The following HIVEP3 variants were observed in gnomAD, a reference collection of about 807,000 sequenced individuals.
The protein encoded by HIVEP3 is HIVEP zinc finger 3.
HIVEP3 carries 49 observed loss-of-function variants against 152.8 expected under a neutral mutation model. The ratio of observed to expected loss-of-function variants is 0.32; its 90% confidence interval spans 0.26 to 0.41. The LOEUF is 0.41. Ranked by LOEUF, HIVEP3 falls within the 10% of genes least tolerant of loss-of-function variation. The pLI is 1.00. For synonymous variants in HIVEP3, 1,269 were observed against 1,289.0 expected (o/e 0.98, Z 0.33); for missense variants, 2,790 against 3,103.3 (o/e 0.90, Z 2.40).
intron 5 of HIVEP3, among the ~76,000 whole-genome samples, chr1:41,560,165 G>C (rs1644036733): frequency 6.6e-6 from 1 of 152,236 alleles, no homozygotes; most frequent in African/African-American, 2.4e-5. Context: ...TACATGCCAA[G>C]TACATTACAC....
chr1:41,848,473 A>T (rs1162678770), intron 1 of HIVEP3: 1 of 152,238 alleles, frequency 6.6e-6, no homozygotes, highest in Non-Finnish European at 1.5e-5. Context: ...GCTTATCACC[A>T]TTGGACTCTA....
At position 41,584,787 on chromosome 1, in the gene HIVEP3, T is replaced by G; in HGVS notation, c.11A>C (p.Glu4Ala). 6.6e-7 allele frequency: 1 copy of G among 1,513,814 alleles called. No homozygotes were observed. Among genetic ancestry groups the G allele is most frequent in the South Asian group, 1.4e-5 (1 of 73,808 alleles). The allele number at this position is 1,513,814 out of a possible 1,614,324, so 93.8% of individuals were successfully genotyped here. The part of the protein sequence containing the change: MDP[E>A]QSVKGTKKAE... ...CTTCTTGGTGCCCTTGACACTTTGTTCAGGATCCATGACCTTCACAAAGAC... is the reference window on the plus strand; with the variant it reads ...CTTCTTGGTGCCCTTGACACTTTGTGCAGGATCCATGACCTTCACAAAGAC... Residue 4 changes from glutamate (E) to alanine (A), a missense_variant, in exon 4 of 9, where the codon GAA becomes GCA. This residue lies in a region of HIVEP3 where 209 missense variants were observed against 237.0 expected (regional missense o/e 0.88). Coordinates refer to ENST00000372583, the MANE Select transcript of HIVEP3 (RefSeq NM_024503.5). The surrounding 1 kb of genome is among the most constrained non-coding windows in gnomAD (Gnocchi z 5.2).
At chr1:42,001,947 A>G (rs549916609) in intron 1 of HIVEP3, among the ~76,000 whole-genome samples, 2 of 152,012 alleles carry the variant, frequency 1.3e-5, no homozygotes, top group South Asian at 2.1e-4. Context: ...ATTCCAGCAT[A>G]TGTCCTGCAC....
At chr1:41,764,942 G>C (rs1647918395) in intron 1 of HIVEP3, among the ~76,000 whole-genome samples, 1 of 152,200 alleles carries the variant, frequency 6.6e-6, no homozygotes, top group African/African-American at 2.4e-5. Flanking sequence ...TCACAGGTGG[G>C]GGTGGCATGG....
chr1:41,818,665 G>A (rs910040147), intron 1 of HIVEP3, among the ~76,000 whole-genome samples: 6 of 152,130 alleles, frequency 3.9e-5, no homozygotes, highest in Non-Finnish European at 8.8e-5. Flanking sequence ...GAATGAAAAC[G>A]AACCCAGTCA....
rs78872185 is a variant in HIVEP3 at position 41,914,432 on chromosome 1, T to C, written c.-801+3981A>G. Among the ~76,000 whole-genome samples the C allele has an allele frequency of 2.5e-3, 385 of 152,370 alleles. 3 individuals carry two copies. The highest frequency in any genetic ancestry group is 8.9e-3 in the African/African-American group (369 of 41,590). On this transcript the variant is annotated intron_variant, in intron 1 of 8. Coordinates refer to ENST00000372583, the MANE Select transcript of HIVEP3 (RefSeq NM_024503.5). ...AAGTAAGTTACCAAAACAATGAATG[T>C]ATGTACATCTAGAAACTGAGAAATA...
At chr1:41,701,867 T>C (rs1646368500) in intron 1 of HIVEP3, among the ~76,000 whole-genome samples, 2 of 152,182 alleles carry the variant, frequency 1.3e-5, no homozygotes, top group Admixed American at 6.5e-5. Flanking sequence ...ATTCATTCAA[T>C]ATTCATTCAT....
intron 7 of HIVEP3, among the ~76,000 whole-genome samples, chr1:41,516,701 G>C (rs1569679519): frequency 6.6e-6 from 1 of 152,140 alleles, no homozygotes; most frequent in South Asian, 2.1e-4. Context: ...GGCTGCCCCC[G>C]CGTCCAGCGG....
rs1293883388 is a variant in HIVEP3, at chr1:41,509,083, T to C, written c.*1368A>G. The stretch of plus-strand genomic sequence containing the variant: ...GAAATGCAGGGCAGCTTCTTGAAAG[T>C]AGAGATGTGGGTAAGGAAGAGGCAC... On this transcript the variant is annotated 3_prime_UTR_variant, in exon 9 of 9. Transcript: ENST00000372583. The C allele has an allele frequency of 6.6e-6, 1 of 152,194 alleles. No homozygotes were observed. Among genetic ancestry groups the C allele is most frequent in the Non-Finnish European group, 1.5e-5 (1 of 68,036 alleles). 9.4% of individuals were successfully genotyped at this position (152,194 alleles called of 1,614,324 possible). A position where few individuals can be genotyped will look rare whatever the true frequency, so the allele number is the denominator to read the frequency against.
chr1:41,869,379 C>T (rs552820865), intron 1 of HIVEP3, among the ~76,000 whole-genome samples: 9 of 152,252 alleles, frequency 5.9e-5, no homozygotes, highest in Admixed American at 2.0e-4. Context: ...AAGAGACAAA[C>T]GGAAACCCCA....
At chr1:41,618,723 G>A (rs1002803023) in intron 3 of HIVEP3, among the ~76,000 whole-genome samples, 1 of 152,228 alleles carries the variant, frequency 6.6e-6, no homozygotes, top group Non-Finnish European at 1.5e-5. Context: ...AAGGGACCTT[G>A]GAAGTTATCT....
intron 1 of HIVEP3, among the ~76,000 whole-genome samples, chr1:41,985,583 G>A (rs1345262240): frequency 6.6e-6 from 1 of 152,150 alleles, no homozygotes; most frequent in Admixed American, 6.5e-5. Flanking sequence ...ATTCCCAAAG[G>A]TCTTACTTCC....
chr1:41,560,551 C>T (rs1301350906), intron 5 of HIVEP3, among the ~76,000 whole-genome samples: 1 of 152,206 alleles, frequency 6.6e-6, no homozygotes, highest in East Asian at 1.9e-4. Flanking sequence ...GTGGCTGGAG[C>T]TTCATGCACC....
chr1:41,753,706 T>TAAATAAATAAATA (rs371969654), intron 1 of HIVEP3, among the ~76,000 whole-genome samples: 1 of 149,468 alleles, frequency 6.7e-6, no homozygotes, highest in Admixed American at 6.6e-5. Flanking sequence ...AATAAATAAA[T>TAAATAAATAAATA]AAAAATAGAA....
intron 7 of HIVEP3, among the ~76,000 whole-genome samples, chr1:41,516,921 G>C (rs1178312772): frequency 1.3e-5 from 2 of 152,234 alleles, no homozygotes; most frequent in African/African-American, 4.8e-5. Context: ...GGCTTCACAG[G>C]CAGGGCCCCT....
At chr1:41,625,055 T>A (rs10749839) in intron 3 of HIVEP3, among the ~76,000 whole-genome samples, 1 of 150,486 alleles carries the variant, frequency 6.6e-6, no homozygotes, top group African/African-American at 2.4e-5. Context: ...CCCAGCTATT[T>A]GGGAGGCTGA....
intron 2 of HIVEP3, among the ~76,000 whole-genome samples, chr1:41,660,849 C>G (rs1024238084): frequency 6.6e-6 from 1 of 152,230 alleles, no homozygotes; most frequent in Non-Finnish European, 1.5e-5. Context: ...CATTCTTACT[C>G]TAACAGGGAA....
chr1:41,690,220 G>A (rs1300586291), intron 2 of HIVEP3, among the ~76,000 whole-genome samples: 1 of 152,226 alleles, frequency 6.6e-6, no homozygotes, highest in African/African-American at 2.4e-5. Flanking sequence ...ATCAGGTGTT[G>A]GGAGGTTGGG....
At chr1:41,970,928 C>G (rs1479531266) in intron 1 of HIVEP3, among the ~76,000 whole-genome samples, 5 of 152,076 alleles carry the variant, frequency 3.3e-5, no homozygotes, top group African/African-American at 1.2e-4. Context: ...AGCTGCCTGG[C>G]CCTGCTGACA....
Sources: gnomAD v4.1 joint callset for allele counts (sites outside exome capture counted in the v4.1 genomes callset) on GRCh38, gnomAD v4.1.1 for gene constraint, gnomAD v4.1.1 regional missense constraint, Gnocchi (gnomAD v3.1) non-coding constraint, MANE v1.5 for transcripts, NCBI Gene and HGNC (gene_info 2026-07-23, HGNC 2026-07-21) for gene names.